Variants in FTO observed in about 807,000 individuals in gnomAD.
FTO encodes the protein FTO alpha-ketoglutarate dependent dioxygenase.
FTO carries 47 observed loss-of-function variants against 63.9 expected under a neutral mutation model. The observed-to-expected ratio is 0.74, with a 90% CI of 0.58 to 0.94. The LOEUF is 0.94. FTO is among the 40% of genes least tolerant of loss of function. FTO has a pLI of 0.00. For missense variants in FTO, 562 were observed against 618.1 expected, an observed-to-expected ratio of 0.91 and a Z score of 0.96; for synonymous variants, 207 against 224.4, an observed-to-expected ratio of 0.92 and a Z score of 0.69.
At chr16:53,854,323 C>G (rs9940434) in intron 4 of FTO, among the ~76,000 whole-genome samples, 1 of 151,876 alleles carries the variant, frequency 6.6e-6, no homozygotes, top group Non-Finnish European at 1.5e-5. Context: ...AAGTAGGTCC[C>G]GTTTATTTAT....
chr16:53,843,198 A>G (rs931896260), intron 3 of FTO, among the ~76,000 whole-genome samples: 2 of 152,220 alleles, frequency 1.3e-5, no homozygotes, highest in Admixed American at 1.3e-4. Flanking sequence ...TACTTGCTCA[A>G]CAGTCATTTT....
At chr16:53,975,060 T>C (rs2083405197) in intron 8 of FTO, among the ~76,000 whole-genome samples, 1 of 152,130 alleles carries the variant, frequency 6.6e-6, no homozygotes, top group Admixed American at 6.5e-5. Flanking sequence ...TATTTCTAAA[T>C]TGACTTCAGC....
At chr16:53,936,558 C>T (rs1335851530) in intron 8 of FTO, among the ~76,000 whole-genome samples, 1 of 152,214 alleles carries the variant, frequency 6.6e-6, no homozygotes, top group African/African-American at 2.4e-5. Flanking sequence ...AGTTATAAAA[C>T]ATCCACTGCA....
At chr16:53,985,546 G>A (rs2083646500) in intron 8 of FTO, among the ~76,000 whole-genome samples, 1 of 152,168 alleles carries the variant, frequency 6.6e-6, no homozygotes, top group Non-Finnish European at 1.5e-5. Context: ...AGCACTGTGT[G>A]TTTATAAATA....
chr16:53,968,421 A>G (rs16952703), intron 8 of FTO, among the ~76,000 whole-genome samples: 2 of 152,206 alleles, frequency 1.3e-5, no homozygotes, highest in Admixed American at 6.5e-5. Flanking sequence ...TTGGCAACAT[A>G]AAACCAAGTA....
chr16:53,759,902 G>GTCTAGGCAC (rs79692916), intron 1 of FTO, among the ~76,000 whole-genome samples: 4 of 151,618 alleles, frequency 2.6e-5, no homozygotes, highest in East Asian at 2.0e-4. Flanking sequence ...TCCTGAGCTG[G>GTCTAGGCAC]TCTAGGATCC....
At position 53,704,232 on chromosome 16, in the gene FTO, A is replaced by G. The variant is rs1971817662; in HGVS notation, c.45+3A>G. The G allele has an allele frequency of 1.9e-6, 3 of 1,551,332 alleles. No individual in the cohort carries two copies. The highest frequency in any genetic ancestry group is 2.7e-5 in the African/African-American group (2 of 73,034). On this transcript the variant is annotated splice_donor_region_variant and intron_variant, in intron 1 of 8. Coordinates refer to ENST00000471389, the MANE Select transcript of FTO (RefSeq NM_001080432.3). ...AGGAACGAGAGCGCGAAGCTAAGGT[A>G]TGTCGGGCTCCCGGGGCCTGGAGAT...
intron 1 of FTO, among the ~76,000 whole-genome samples, chr16:53,712,070 G>A (rs1302012728): frequency 6.6e-6 from 1 of 152,140 alleles, no homozygotes; most frequent in Non-Finnish European, 1.5e-5. Flanking sequence ...TCCAGGCTGG[G>A]CAACAGAGTG....
At chr16:54,111,700 G>T in intron 8 of FTO, 62 bp from the exon 9 acceptor site, 1 of 1,582,738 alleles carries the variant, frequency 6.3e-7, no homozygotes, top group Non-Finnish European at 8.7e-7. Flanking sequence ...CAAGCTTCCT[G>T]TGGGTTGGGG....
At chr16:53,870,177 C>T (rs1196076767) in intron 4 of FTO, among the ~76,000 whole-genome samples, 1 of 152,104 alleles carries the variant, frequency 6.6e-6, no homozygotes, top group Non-Finnish European at 1.5e-5. Flanking sequence ...CACTACACTC[C>T]AGCCTGGATG....
At chr16:53,767,638 C>T (rs558501500) in intron 1 of FTO, among the ~76,000 whole-genome samples, 1 of 151,802 alleles carries the variant, frequency 6.6e-6, no homozygotes, top group East Asian at 1.9e-4. Flanking sequence ...TTATTAAGCC[C>T]ATGGGACTCT....
chr16:54,119,547 C>T lies in FTO; in HGVS notation c.*7632C>T, dbSNP rs1240241514. 1 of 152,018 alleles carries T rather than the reference C, an allele frequency of 6.6e-6. No individual in the cohort carries two copies. Among genetic ancestry groups the T allele is most frequent in the Admixed American group, 6.6e-5 (1 of 15,260 alleles). The allele number at this position is 152,018 out of a possible 1,614,324, so 9.4% of individuals were successfully genotyped here. On this transcript the variant is annotated 3_prime_UTR_variant, in exon 9 of 9. Coordinates refer to ENST00000471389, the MANE Select transcript of FTO (RefSeq NM_001080432.3). ...TTCCATTATCCTTCCCTCCTCTGCT[C>T]CCAACCAGGGTCACGCTGAGAGGGA...
intron 8 of FTO, among the ~76,000 whole-genome samples, chr16:54,025,357 G>A (rs1014335573): frequency 1.3e-5 from 2 of 152,226 alleles, no homozygotes; most frequent in Non-Finnish European, 2.9e-5. Context: ...ACAACTAAAT[G>A]ATTGTAGACA....
intron 8 of FTO, among the ~76,000 whole-genome samples, chr16:53,938,967 G>T (rs1417281311): frequency 6.6e-6 from 1 of 151,930 alleles, no homozygotes; most frequent in Non-Finnish European, 1.5e-5. Context: ...GCTTGGTGGC[G>T]GGTGCCTGTA....
At chr16:53,767,598 CAG>C (rs936915408) in intron 1 of FTO, among the ~76,000 whole-genome samples, 45 of 150,994 alleles carry the variant, frequency 3.0e-4, no homozygotes, top group African/African-American at 1.1e-3. Flanking sequence ...TTTTTTTAAA[CAG>C]GGGAAGGTAC....
intron 8 of FTO, among the ~76,000 whole-genome samples, chr16:53,962,603 C>T (rs898683178): frequency 6.6e-6 from 1 of 152,166 alleles, no homozygotes; most frequent in Non-Finnish European, 1.5e-5. Flanking sequence ...AATGATGCGT[C>T]CTGCATAAGT....
At chr16:53,930,251 A>G (rs2082248974) in intron 7 of FTO, among the ~76,000 whole-genome samples, 1 of 86,338 alleles carries the variant, frequency 1.2e-5, no homozygotes, top group South Asian at 3.6e-4. Context: ...TTTTTTTGAG[A>G]CAGAGTCTCG....
chr16:53,825,819 T>A (rs751132586), intron 2 of FTO, 45 bp from the exon 3 acceptor site: 1 of 1,600,864 alleles, frequency 6.2e-7, no homozygotes, highest in Admixed American at 1.7e-5. Context: ...ATAATACAAT[T>A]GTAGCTATAT....
chr16:53,952,235 G>T (rs772035453), intron 8 of FTO, among the ~76,000 whole-genome samples: 1 of 152,166 alleles, frequency 6.6e-6, no homozygotes, highest in Non-Finnish European at 1.5e-5. Context: ...CAGGATTTGA[G>T]CCCAGGCAGT....
Sources: allele counts gnomAD v4.1 joint callset (sites outside exome capture counted in the v4.1 genomes callset), GRCh38; gene constraint gnomAD v4.1.1; transcripts MANE v1.5; gene names NCBI Gene and HGNC (gene_info 2026-07-23, HGNC 2026-07-21).